The following ZNF257 variants were observed in gnomAD, a reference collection of about 807,000 sequenced individuals.
The protein encoded by ZNF257 is zinc finger protein 257, also known as bone marrow zinc finger 4.
ZNF257 carries 12 observed loss-of-function variants against 11.9 expected under a neutral mutation model. The ratio of observed to expected loss-of-function variants is 1.01; its 90% CI spans 0.65 to 1.63. The LOEUF (loss-of-function observed/expected upper bound fraction) is 1.63, where lower values mean the gene tolerates loss of function less well. Among genes scored for constraint, ZNF257 ranks in the 40% most tolerant of loss-of-function variants. The pLI is 0.00. For missense variants in ZNF257, 580 were observed against 665.5 expected (o/e 0.87, Z 1.41); for synonymous variants, 183 against 222.7 (o/e 0.82, Z 1.59).
Position 22,077,740 on chromosome 19 carries a change from C to T in ZNF257, c.226+4176C>T, listed in dbSNP as rs1279269586. On this transcript the variant is annotated intron_variant, in intron 3 of 3. Coordinates refer to ENST00000594947, the MANE Select transcript of ZNF257 (RefSeq NM_033468.4). ...TACAATAAACATGACTGTTCAAATACGTCTTCCAGGTCCTGTGTTGCATAT... is the reference window on the plus strand; with the variant it reads ...TACAATAAACATGACTGTTCAAATATGTCTTCCAGGTCCTGTGTTGCATAT... 3.3e-5 allele frequency among the ~76,000 whole-genome samples: 5 copies of T among 151,800 alleles called. No individual in the cohort carries two copies. In the South Asian group the frequency reaches 6.2e-4, roughly 19 times the overall value.
At chr19:22,067,362 T>A (rs2021978685) in intron 1 of ZNF257, among the ~76,000 whole-genome samples, 1 of 152,156 alleles carries the variant, frequency 6.6e-6, no homozygotes, top group South Asian at 2.1e-4. Flanking sequence ...CACTTTCTTG[T>A]ATCTCCTCTT....
chr19:22,089,343 C>G lies in ZNF257; in HGVS notation c.1593C>G (p.Thr531=). Residue 531 remains threonine (T), a synonymous_variant, in exon 4 of 4, where the codon ACC becomes ACG. Coordinates refer to ENST00000594947, the MANE Select transcript of ZNF257 (RefSeq NM_033468.4). ...CTTTTAATCGTTTCTCATACCTTACCGTACATAAGAGAATTCATGCTGGAG... is the reference window on the plus strand; with the variant it reads ...CTTTTAATCGTTTCTCATACCTTACGGTACATAAGAGAATTCATGCTGGAG... ...GKPFNRFSYL[T]VHKRIHAGEN... is the part of the protein sequence containing the mutation. The G allele has an allele frequency of 1.2e-6, 2 of 1,609,828 alleles. No homozygotes were observed. The highest frequency in any genetic ancestry group is 8.5e-7 in the Non-Finnish European group (1 of 1,178,706).
intron 1 of ZNF257, among the ~76,000 whole-genome samples, chr19:22,055,913 G>A (rs992448603): frequency 6.6e-6 from 1 of 152,000 alleles, no homozygotes; most frequent in Admixed American, 6.5e-5. Context: ...AAATTAGCCG[G>A]GCGATGTAGC....
intron 1 of ZNF257, among the ~76,000 whole-genome samples, chr19:22,067,972 A>G (rs2021999806): frequency 6.6e-6 from 1 of 151,786 alleles, no homozygotes; most frequent in Admixed American, 6.6e-5. Flanking sequence ...ACTGAACACT[A>G]TAACTTAAGC....
In ZNF257 at chr19:22,089,702, C is replaced by G; in HGVS notation, c.*260C>G. ...ATGAGAACACATGTGGAAGATAAAG[C>G]CTACAAATATGAAGAATGTGACAAG... On this transcript the variant is annotated 3_prime_UTR_variant, in exon 4 of 4. Coordinates refer to ENST00000594947, the MANE Select transcript of ZNF257 (RefSeq NM_033468.4). 1.2e-6 allele frequency: 1 copy of G among 805,348 alleles called. No homozygotes were observed. Among genetic ancestry groups the G allele is most frequent in the Non-Finnish European group, 1.8e-6 (1 of 561,876 alleles). 49.9% of individuals were successfully genotyped at this position (805,348 alleles called of 1,614,324 possible). A position where few individuals can be genotyped will look rare whatever the true frequency, so the allele number is the denominator to read the frequency against.
In ZNF257 at chr19:22,089,272, A is replaced by G. The variant is rs1266569136; in HGVS notation, c.1522A>G (p.Ile508Val). 6.2e-7 allele frequency: 1 copy of G among 1,613,784 alleles called. No individual in the cohort carries two copies. The highest frequency in any genetic ancestry group is 8.5e-7 in the Non-Finnish European group (1 of 1,179,912). Residue 508 changes from isoleucine to valine, a missense_variant, in exon 4 of 4, where the codon ATT becomes GTT. Physicochemically the swap from Ile to Val is conservative, Grantham distance 29 (BLOSUM62 3). Coordinates refer to ENST00000594947, the MANE Select transcript of ZNF257 (RefSeq NM_033468.4). Reference sequence around the variant, plus strand: ...TTCACACCTTTCTCAACATAAGATAATTCATACTGGAGAGAAACCCTACAA... The same window carrying G: ...TTCACACCTTTCTCAACATAAGATAGTTCATACTGGAGAGAAACCCTACAA... The part of the protein sequence containing the change: ...RSSHLSQHKI[I>V]HTGEKPYKCE...
chr19:22,059,093 A>T (rs1234332222), intron 1 of ZNF257, among the ~76,000 whole-genome samples: 1 of 152,084 alleles, frequency 6.6e-6, no homozygotes, highest in Non-Finnish European at 1.5e-5. Context: ...TGTAGCACAA[A>T]CCAGTCCTAT....
chr19:22,079,037 C>A (rs1436832589), intron 3 of ZNF257, among the ~76,000 whole-genome samples: 1 of 152,166 alleles, frequency 6.6e-6, no homozygotes. Context: ...GGTGATCTAC[C>A]TGCCTTGGCC....
chr19:22,091,455 C>T lies in ZNF257; in HGVS notation c.*2013C>T, dbSNP rs929299003. The T allele has an allele frequency of 2.9e-5, 3 of 102,460 alleles. No individual in the cohort carries two copies. The highest frequency in any genetic ancestry group is 1.2e-4 in the African/African-American group (3 of 25,440). The allele number at this position is 102,460 out of a possible 1,614,324, so 6.3% of individuals were successfully genotyped here. A position where few individuals can be genotyped will look rare whatever the true frequency, so the allele number is the denominator to read the frequency against. Reference sequence around the variant, plus strand: ...AGCCTAGGCAACAAGAGCAAGACTTCGTCTCAAAAAAAAAAAAAAAAAAAA... The same window carrying T: ...AGCCTAGGCAACAAGAGCAAGACTTTGTCTCAAAAAAAAAAAAAAAAAAAA... On this transcript the variant is annotated 3_prime_UTR_variant, in exon 4 of 4. Coordinates refer to ENST00000594947, the MANE Select transcript of ZNF257 (RefSeq NM_033468.4).
intron 3 of ZNF257, among the ~76,000 whole-genome samples, chr19:22,085,044 T>C (rs370985321): frequency 6.7e-6 from 1 of 150,062 alleles, no homozygotes; most frequent in Non-Finnish European, 1.5e-5. Context: ...TTTAGTTTTT[T>C]TTTTTGTTGT....
At chr19:22,085,822 T>A (rs796246971) in intron 3 of ZNF257, among the ~76,000 whole-genome samples, 1 of 152,130 alleles carries the variant, frequency 6.6e-6, no homozygotes, top group South Asian at 2.1e-4. Context: ...TTATATAATA[T>A]GAGTTTTTGA....
chr19:22,072,272 C>T (rs1020148744), intron 1 of ZNF257, among the ~76,000 whole-genome samples: 6 of 152,098 alleles, frequency 3.9e-5, no homozygotes, highest in African/African-American at 1.4e-4. Flanking sequence ...AGCGGATGTG[C>T]ATAAACCATC....
chr19:22,053,951 C>T (rs765816128), intron 1 of ZNF257, among the ~76,000 whole-genome samples: 1 of 152,064 alleles, frequency 6.6e-6, no homozygotes, highest in East Asian at 1.9e-4. Flanking sequence ...AAACAAAAAC[C>T]ATGCATTTGA....
intron 1 of ZNF257, among the ~76,000 whole-genome samples, chr19:22,064,768 A>G (rs2021896526): frequency 6.6e-6 from 1 of 152,148 alleles, no homozygotes; most frequent in Non-Finnish European, 1.5e-5. Flanking sequence ...TTTAAAAACT[A>G]TTTTCAGCCA....
intron 3 of ZNF257, among the ~76,000 whole-genome samples, chr19:22,078,236 TA>T (rs56056830): frequency 0.27 from 27,458 of 102,022 alleles, 4,182 homozygotes; most frequent in African/African-American, 0.5. Context: ...AGACTCCAAC[TA>T]AAAAAAAAAA....
chr19:22,089,265 T>G lies in ZNF257; in HGVS notation c.1515T>G (p.His505Gln), dbSNP rs2022569060. The G allele has an allele frequency of 6.2e-7, 1 of 1,613,756 alleles. No homozygotes were observed. Among genetic ancestry groups the G allele is most frequent in the Admixed American group, 1.7e-5 (1 of 59,990 alleles). Reference sequence around the variant, plus strand: ...ACCGGTCTTCACACCTTTCTCAACATAAGATAATTCATACTGGAGAGAAAC... The same window carrying G: ...ACCGGTCTTCACACCTTTCTCAACAGAAGATAATTCATACTGGAGAGAAAC... ...AFNRSSHLSQ[H>Q]KIIHTGEKPY... The change falls in exon 4 of 4, where the codon CAT becomes CAG. Residue 505 changes from histidine to glutamine, a missense_variant. Transcript: ENST00000594947.
chr19:22,060,165 G>A (rs1014510960), intron 1 of ZNF257, among the ~76,000 whole-genome samples: 7 of 152,228 alleles, frequency 4.6e-5, no homozygotes, highest in African/African-American at 7.2e-5. Context: ...CTTTGGGTAT[G>A]TACCCAATTA....
rs770213926 is a variant in ZNF257, at chr19:22,088,539, C to A, written c.789C>A (p.Gly263=). 15 of 1,611,334 alleles carry A rather than the reference C, an allele frequency of 9.3e-6. No individual in the cohort carries two copies. The African/African-American group carries it at 9.5e-5, about 10-fold the overall frequency. The change falls in exon 4 of 4, where the codon GGC becomes GGA. Residue 263 remains glycine (G), a synonymous_variant. Coordinates refer to ENST00000594947, the MANE Select transcript of ZNF257 (RefSeq NM_033468.4). ...REKPYKCEEC[G]KAFNRSSHIT... is the part of the protein sequence containing the mutation. ...AACCCTACAAATGTGAAGAGTGTGG[C>A]AAAGCCTTTAACCGGTCTTCACACA...
At chr19:22,053,291 C>G (rs1971745690) in intron 1 of ZNF257, among the ~76,000 whole-genome samples, 1 of 137,488 alleles carries the variant, frequency 7.3e-6, no homozygotes, top group Admixed American at 8.9e-5. Context: ...TCGCTTGAAC[C>G]AGGAAGTCAG....
Sources: gnomAD v4.1 joint callset for allele counts (sites outside exome capture counted in the v4.1 genomes callset) on GRCh38, gnomAD v4.1.1 for gene constraint, MANE v1.5 for transcripts, NCBI Gene and HGNC (gene_info 2026-07-23, HGNC 2026-07-21) for gene names.